SPMIP2: variants seen among roughly 807,000 people sequenced by gnomAD.
SPMIP2 encodes the protein protein SPMIP2.
chr4:158,973,319 A>G, the SPMIP2 span: 1 of 1,563,258 alleles, frequency 6.4e-7, no homozygotes, highest in East Asian at 2.3e-5. Flanking sequence ...GACCTTTAAA[A>G]GACAAAATGT....
At chr4:158,982,823 C>T in the SPMIP2 span, among the ~76,000 whole-genome samples, 2 of 151,966 alleles carry the variant, frequency 1.3e-5, no homozygotes, top group African/African-American at 4.8e-5. Flanking sequence ...ATGACTTTGA[C>T]AAGTTGAGAG....
the SPMIP2 span, among the ~76,000 whole-genome samples, chr4:158,965,665 A>AT: frequency 5.5e-5 from 4 of 72,572 alleles, no homozygotes; most frequent in East Asian, 6.3e-4. Flanking sequence ...TTAAGTTTCT[A>AT]TTTAAAAAAA....
the SPMIP2 span, among the ~76,000 whole-genome samples, chr4:158,937,190 C>A: frequency 6.6e-6 from 1 of 152,174 alleles, no homozygotes; most frequent in African/African-American, 2.4e-5. Flanking sequence ...CATCTTAATC[C>A]TCTGGGAGAA....
the SPMIP2 span, among the ~76,000 whole-genome samples, chr4:159,049,136 C>G: frequency 0.19 from 29,218 of 152,110 alleles, 2,893 homozygotes; most frequent in Admixed American, 0.25. Context: ...TGAGAAAACA[C>G]TGTCGAGAAA....
chr4:158,910,519 C>T, the SPMIP2 span, among the ~76,000 whole-genome samples: 92 of 151,024 alleles, frequency 6.1e-4, no homozygotes, highest in African/African-American at 1.9e-3. Flanking sequence ...ATGATCTGCC[C>T]GCCTCAGCCT....
chr4:159,073,386 T>C, the SPMIP2 span, among the ~76,000 whole-genome samples: 1 of 152,144 alleles, frequency 6.6e-6, no homozygotes. Flanking sequence ...ACTCCTGGGC[T>C]CAAGCGATCT....
chr4:158,979,241 C>T, the SPMIP2 span, among the ~76,000 whole-genome samples: 12 of 152,174 alleles, frequency 7.9e-5, no homozygotes, highest in Non-Finnish European at 5.9e-5. Flanking sequence ...TTTCAGACTG[C>T]AGTGCTGGCA....
the SPMIP2 span, among the ~76,000 whole-genome samples, chr4:158,922,573 G>A: frequency 6.6e-6 from 1 of 152,166 alleles, no homozygotes; most frequent in Non-Finnish European, 1.5e-5. Context: ...ATTCAATCAT[G>A]TTTTAGGTCA....
chr4:158,913,329 C>T, the SPMIP2 span, among the ~76,000 whole-genome samples: 2 of 152,102 alleles, frequency 1.3e-5, no homozygotes, highest in Non-Finnish European at 2.9e-5. Context: ...ATCGAGCAAG[C>T]CTCCCACCTC....
the SPMIP2 span, among the ~76,000 whole-genome samples, chr4:158,963,715 A>G: frequency 7.0e-6 from 1 of 143,758 alleles, no homozygotes; most frequent in Non-Finnish European, 1.5e-5. Flanking sequence ...TAAAGTCCCA[A>G]ATCAGCTGAC....
At chr4:159,043,507 C>G in the SPMIP2 span, among the ~76,000 whole-genome samples, 1 of 152,120 alleles carries the variant, frequency 6.6e-6, no homozygotes. Context: ...ACCACCTTGC[C>G]TGGCTAATTT....
chr4:159,081,560 G>A, the SPMIP2 span, among the ~76,000 whole-genome samples: 1 of 151,778 alleles, frequency 6.6e-6, no homozygotes, highest in South Asian at 2.1e-4. Flanking sequence ...GTGTGGTGGC[G>A]CACTCCTGCA....
At chr4:159,046,609 G>A in the SPMIP2 span, among the ~76,000 whole-genome samples, 251 of 152,282 alleles carry the variant, frequency 1.6e-3, 1 homozygote, top group African/African-American at 5.7e-3. Context: ...GTCTTGCTCT[G>A]TTGCCCAAGC....
At chr4:158,983,350 A>T in the SPMIP2 span, among the ~76,000 whole-genome samples, 1 of 151,682 alleles carries the variant, frequency 6.6e-6, no homozygotes. Context: ...ACTCCAAGAC[A>T]CATAATTGTC....
chr4:159,032,204 A>G, the SPMIP2 span, among the ~76,000 whole-genome samples: 2 of 152,122 alleles, frequency 1.3e-5, no homozygotes, highest in Non-Finnish European at 2.9e-5. Context: ...CCTGAGCAAC[A>G]GAGGGAGACT....
chr4:159,017,147 G>A, the SPMIP2 span, among the ~76,000 whole-genome samples: 8 of 152,180 alleles, frequency 5.3e-5, no homozygotes, highest in African/African-American at 1.4e-4. Context: ...TTCCCTTTCC[G>A]TCAACATACC....
chr4:158,939,417 C>G, the SPMIP2 span, among the ~76,000 whole-genome samples: 3 of 152,072 alleles, frequency 2.0e-5, no homozygotes, highest in Non-Finnish European at 4.4e-5. Context: ...TCCACACCAC[C>G]CCATAATATC....
At chr4:159,031,181 GT>G in the SPMIP2 span, among the ~76,000 whole-genome samples, 2 of 152,184 alleles carry the variant, frequency 1.3e-5, no homozygotes, top group African/African-American at 4.8e-5. Context: ...GGTTAGAAAG[GT>G]GGTAAGTGAT....
chr4:158,917,299 C>T, the SPMIP2 span, among the ~76,000 whole-genome samples: 8 of 151,704 alleles, frequency 5.3e-5, no homozygotes, highest in Non-Finnish European at 8.8e-5. Context: ...TGGTGGTGCA[C>T]GCCTGTAATC....
Sources: allele counts gnomAD v4.1 joint callset (sites outside exome capture counted in the v4.1 genomes callset), GRCh38; gene constraint gnomAD v4.1.1; transcripts MANE v1.5; gene names NCBI Gene and HGNC (gene_info 2026-07-23, HGNC 2026-07-21).